CACNA2D1: variants seen among roughly 807,000 people sequenced by gnomAD.
CACNA2D1 encodes the protein calcium voltage-gated channel auxiliary subunit alpha2delta 1, also known as voltage-dependent calcium channel subunit alpha-2/delta-1.
CACNA2D1 carries 53 observed loss-of-function variants against 171.5 expected under a neutral mutation model. That is an observed-to-expected ratio of 0.31 (90% CI 0.25 to 0.39). The LOEUF (loss-of-function observed/expected upper bound fraction) is 0.39. Among genes scored for constraint, CACNA2D1 ranks in the 10% least tolerant of loss-of-function variants. The probability of loss-of-function intolerance (pLI) is 1.00; values close to 1 mark genes in which losing one functional copy is unlikely to be tolerated. For synonymous variants in CACNA2D1, 442 were observed against 443.1 expected, an observed-to-expected ratio of 1.00 and a Z score of 0.03; for missense variants, 903 against 1,299.8, an observed-to-expected ratio of 0.69 and a Z score of 4.69.
chr7:82,082,671 G>A (rs897979029), intron 7 of CACNA2D1, among the ~76,000 whole-genome samples: 9 of 150,988 alleles, frequency 6.0e-5, no homozygotes, highest in East Asian at 2.0e-4. Flanking sequence ...GCTTTAAACC[G>A]TCTTCTGCTT....
intron 3 of CACNA2D1, among the ~76,000 whole-genome samples, chr7:82,288,697 A>C (rs1000558365): frequency 5.3e-5 from 8 of 152,256 alleles, no homozygotes; most frequent in Non-Finnish European, 1.2e-4. Flanking sequence ...GTAATTTCCC[A>C]CCTGACAACT....
intron 6 of CACNA2D1, among the ~76,000 whole-genome samples, chr7:82,086,128 C>T (rs922339332): frequency 2.6e-5 from 4 of 152,080 alleles, no homozygotes; most frequent in East Asian, 1.9e-4. Context: ...TACAGCTTAA[C>T]GTCTTTCTAT....
intron 1 of CACNA2D1, among the ~76,000 whole-genome samples, chr7:82,405,710 G>T (rs540554503): frequency 2.0e-5 from 3 of 152,100 alleles, no homozygotes; most frequent in Non-Finnish European, 4.4e-5. Context: ...AGTTTGAGTG[G>T]TGTCTGGTGG....
intron 12 of CACNA2D1, among the ~76,000 whole-genome samples, chr7:82,031,007 T>G (rs1406223722): frequency 6.6e-6 from 1 of 151,994 alleles, no homozygotes; most frequent in Non-Finnish European, 1.5e-5. Flanking sequence ...TTCCAACCTC[T>G]GTTACGTATT....
At chr7:82,323,933 A>G (rs572458785) in intron 3 of CACNA2D1, among the ~76,000 whole-genome samples, 183 of 152,230 alleles carry the variant, frequency 1.2e-3, no homozygotes, top group African/African-American at 4.0e-3. Context: ...TGTGCTTTCT[A>G]TCTTAAAGGT....
At chr7:82,363,557 G>A (rs983461517) in intron 1 of CACNA2D1, among the ~76,000 whole-genome samples, 4 of 151,952 alleles carry the variant, frequency 2.6e-5, no homozygotes, top group Admixed American at 6.6e-5. Flanking sequence ...GAGCCACCAC[G>A]CCCCGCCTGT....
intron 1 of CACNA2D1, among the ~76,000 whole-genome samples, chr7:82,420,060 T>C (rs1049964294): frequency 1.3e-5 from 2 of 152,180 alleles, no homozygotes; most frequent in African/African-American, 4.8e-5. Context: ...AAAATGTCAA[T>C]AGTCCTGAGG....
At chr7:82,340,049 G>C (rs775219949) in intron 2 of CACNA2D1, among the ~76,000 whole-genome samples, 2 of 152,144 alleles carry the variant, frequency 1.3e-5, no homozygotes, top group Admixed American at 1.3e-4. Flanking sequence ...TGAAGACCAA[G>C]GGAAGGAGAA....
intron 9 of CACNA2D1, among the ~76,000 whole-genome samples, chr7:82,063,608 G>GA: frequency 6.6e-6 from 1 of 151,620 alleles, no homozygotes; most frequent in East Asian, 1.9e-4. Flanking sequence ...TTCTCTTGAG[G>GA]AAAAACATGA....
intron 1 of CACNA2D1, among the ~76,000 whole-genome samples, chr7:82,390,691 G>A (rs1231282399): frequency 6.6e-6 from 1 of 152,076 alleles, no homozygotes; most frequent in Non-Finnish European, 1.5e-5. Context: ...CGACTCATGT[G>A]ATATATTTTT....
At chr7:82,277,750 A>ATT (rs374936775) in intron 3 of CACNA2D1, among the ~76,000 whole-genome samples, 5 of 140,520 alleles carry the variant, frequency 3.6e-5, no homozygotes, top group Admixed American at 2.2e-4. Context: ...TTTTACTTTT[A>ATT]TTTTTTTTTT....
At chr7:82,298,316 A>G (rs1812555173) in intron 3 of CACNA2D1, among the ~76,000 whole-genome samples, 1 of 152,184 alleles carries the variant, frequency 6.6e-6, no homozygotes, top group South Asian at 2.1e-4. Context: ...CCACTAAAAG[A>G]TAACATTACA....
intron 24 of CACNA2D1, among the ~76,000 whole-genome samples, chr7:81,979,242 C>A: frequency 6.6e-6 from 1 of 151,568 alleles, no homozygotes; most frequent in East Asian, 1.9e-4. Context: ...TGAAAATGTT[C>A]TAAAATTAAC....
chr7:82,156,746 C>T (rs778439536), intron 4 of CACNA2D1, among the ~76,000 whole-genome samples: 1 of 151,694 alleles, frequency 6.6e-6, no homozygotes, highest in Non-Finnish European at 1.5e-5. Context: ...AAATGAAAAG[C>T]TGAGTAGATT....
chr7:82,248,338 T>C (rs1441102130), intron 3 of CACNA2D1, among the ~76,000 whole-genome samples: 1 of 152,158 alleles, frequency 6.6e-6, no homozygotes, highest in Non-Finnish European at 1.5e-5. Flanking sequence ...TCATTGGAGA[T>C]GAAGGCCCTT....
At chr7:82,254,764 A>G (rs1371334092) in intron 3 of CACNA2D1, among the ~76,000 whole-genome samples, 1 of 152,182 alleles carries the variant, frequency 6.6e-6, no homozygotes, top group Non-Finnish European at 1.5e-5. Context: ...TGATACATAT[A>G]ATCTTCTGCT....
intron 4 of CACNA2D1, among the ~76,000 whole-genome samples, chr7:82,165,500 G>A (rs577431125): frequency 8.6e-5 from 13 of 152,010 alleles, no homozygotes. Context: ...AAACAAAAGA[G>A]ATAGGTTATC....
At chr7:82,108,215 T>G (rs567650083) in intron 6 of CACNA2D1, among the ~76,000 whole-genome samples, 10 of 152,324 alleles carry the variant, frequency 6.6e-5, no homozygotes, top group Admixed American at 1.3e-4. Flanking sequence ...CACATACATA[T>G]ATGAAAAATA....
chr7:82,100,828 CTTT>C (rs36030630), intron 6 of CACNA2D1, among the ~76,000 whole-genome samples: 1 of 146,120 alleles, frequency 6.8e-6, no homozygotes, highest in Admixed American at 6.8e-5. Flanking sequence ...AACTTTTTAA[CTTT>C]TTTTTTTTTT....
Sources: allele counts gnomAD v4.1 joint callset (sites outside exome capture counted in the v4.1 genomes callset), GRCh38; gene constraint gnomAD v4.1.1; transcripts MANE v1.5; gene names NCBI Gene and HGNC (gene_info 2026-07-23, HGNC 2026-07-21).